GRID1: variants seen among roughly 807,000 people sequenced by gnomAD.
GRID1 encodes the protein glutamate ionotropic receptor delta type subunit 1, also known as glutamate receptor ionotropic, delta-1.
A neutral mutation model predicts 98.0 loss-of-function variants in GRID1; 28 were observed. That is an observed-to-expected ratio of 0.29 (90% CI 0.21 to 0.39). GRID1 has a LOEUF of 0.39. Ranked by LOEUF, GRID1 falls within the 10% of genes least tolerant of loss-of-function variation. The pLI is 1.00. For synonymous variants in GRID1, 553 were observed against 538.5 expected (o/e 1.03, Z -0.37); for missense variants, 1,111 against 1,340.5 (o/e 0.83, Z 2.67).
At chr10:85,944,511 T>G (rs572265521) in intron 4 of GRID1, among the ~76,000 whole-genome samples, 9 of 152,260 alleles carry the variant, frequency 5.9e-5, no homozygotes, top group Admixed American at 2.0e-4. Context: ...AAACTGAAAA[T>G]ACATATAGCC....
intron 8 of GRID1, among the ~76,000 whole-genome samples, chr10:85,757,522 A>T (rs986333532): frequency 1.3e-5 from 2 of 152,250 alleles, no homozygotes; most frequent in African/African-American, 4.8e-5. Flanking sequence ...TCTTACAAAC[A>T]TTCAAAGCAT....
chr10:86,146,119 A>G lies in GRID1; in HGVS notation c.521-7095T>C, dbSNP rs145097254. Among the ~76,000 whole-genome samples the G allele has an allele frequency of 6.6e-5, 10 of 152,338 alleles. No homozygotes were observed. In the East Asian group the frequency reaches 1.9e-3, roughly 29 times the overall value. ...CCCCTACTATTTTCAATTTCTGAGAAAGGCCCAGGCACTGAGAGTACTTAT... is the reference window on the plus strand; with the variant it reads ...CCCCTACTATTTTCAATTTCTGAGAGAGGCCCAGGCACTGAGAGTACTTAT... On this transcript the variant is annotated intron_variant, in intron 3 of 15. Coordinates refer to ENST00000327946, the MANE Select transcript of GRID1 (RefSeq NM_017551.3).
chr10:85,903,067 C>A (rs1841412117), intron 5 of GRID1, among the ~76,000 whole-genome samples: 1 of 152,102 alleles, frequency 6.6e-6, no homozygotes, highest in Admixed American at 6.5e-5. Flanking sequence ...ACATGAGGTT[C>A]AATATCCCCT....
At chr10:85,854,326 C>T (rs1843087778) in intron 8 of GRID1, among the ~76,000 whole-genome samples, 170 bp downstream of exon 8, 2 of 152,152 alleles carry the variant, frequency 1.3e-5, no homozygotes, top group Admixed American at 6.5e-5. Context: ...GCACCTACTC[C>T]CTAGCATGCC....
At chr10:85,931,846 G>A (rs1487305744) in intron 4 of GRID1, among the ~76,000 whole-genome samples, 3 of 152,108 alleles carry the variant, frequency 2.0e-5, no homozygotes, top group Non-Finnish European at 2.9e-5. Context: ...GTGGATAGGG[G>A]GACTTCCTGT....
intron 5 of GRID1, among the ~76,000 whole-genome samples, chr10:85,871,483 G>T (rs1387897516): frequency 6.6e-6 from 1 of 152,262 alleles, no homozygotes; most frequent in East Asian, 1.9e-4. Context: ...AAAAGCTCTG[G>T]TTCACTCTTT....
chr10:85,774,001 G>C (rs1254898416), intron 8 of GRID1, among the ~76,000 whole-genome samples: 1 of 152,144 alleles, frequency 6.6e-6, no homozygotes, highest in Non-Finnish European at 1.5e-5. Flanking sequence ...AACCAAAAGA[G>C]AGCCCGCATC....
intron 12 of GRID1, among the ~76,000 whole-genome samples, chr10:85,701,877 G>A (rs922991629): frequency 6.6e-6 from 1 of 151,980 alleles, no homozygotes; most frequent in African/African-American, 2.4e-5. Context: ...ATACCGCTCG[G>A]GAGACAGGTA....
chr10:85,814,754 C>A (rs892604515), intron 8 of GRID1, among the ~76,000 whole-genome samples: 1 of 151,752 alleles, frequency 6.6e-6, no homozygotes, highest in African/African-American at 2.4e-5. Context: ...AATGAGATAA[C>A]CCTCATATCT....
intron 2 of GRID1, among the ~76,000 whole-genome samples, chr10:86,303,071 AATATGG>A (rs1847713569): frequency 6.6e-6 from 1 of 152,232 alleles, no homozygotes; most frequent in Non-Finnish European, 1.5e-5. Context: ...GGGAAATTTG[AATATGG>A]ATTGTGTTAG....
chr10:86,350,544 C>T (rs1267807088), intron 2 of GRID1, among the ~76,000 whole-genome samples: 1 of 152,188 alleles, frequency 6.6e-6, no homozygotes, highest in Non-Finnish European at 1.5e-5. Context: ...TAAGCAATCC[C>T]TGCTTCACTT....
chr10:85,969,414 C>T (rs148900811), intron 4 of GRID1, among the ~76,000 whole-genome samples: 2 of 152,196 alleles, frequency 1.3e-5, no homozygotes, highest in Non-Finnish European at 2.9e-5. Flanking sequence ...GAACATTTCC[C>T]CAGGATAGGA....
chr10:85,972,553 G>T (rs1419825064), intron 4 of GRID1, among the ~76,000 whole-genome samples: 2 of 150,664 alleles, frequency 1.3e-5, no homozygotes, highest in East Asian at 3.9e-4. Flanking sequence ...CAATACTCAT[G>T]ATCATATCAG....
At position 85,916,090 on chromosome 10, in the gene GRID1, C is replaced by G. The variant is rs1841615840; in HGVS notation, c.780+96G>C. The G allele has an allele frequency of 4.1e-6, 4 of 972,908 alleles. No homozygotes were observed. Among genetic ancestry groups the G allele is most frequent in the Non-Finnish European group, 6.5e-6 (4 of 617,658 alleles). 60.3% of individuals were successfully genotyped at this position (972,908 alleles called of 1,614,324 possible). A position where few individuals can be genotyped will look rare whatever the true frequency, so the allele number is the denominator to read the frequency against. Reference sequence around the variant, plus strand: ...GAGCCCCAGGATTCACAACAGCCCCCTAAGTCAGAATTGAACTGAAAAGAA... The same window carrying G: ...GAGCCCCAGGATTCACAACAGCCCCGTAAGTCAGAATTGAACTGAAAAGAA... On this transcript the variant is annotated intron_variant, in intron 5 of 15. Coordinates refer to ENST00000327946, the MANE Select transcript of GRID1 (RefSeq NM_017551.3). The surrounding 1 kb of genome is among the most constrained non-coding windows in gnomAD (Gnocchi z 4.0).
At chr10:86,233,999 G>A (rs968462065) in intron 2 of GRID1, among the ~76,000 whole-genome samples, 1 of 152,028 alleles carries the variant, frequency 6.6e-6, no homozygotes, top group Non-Finnish European at 1.5e-5. Flanking sequence ...CCTCCTTGCT[G>A]GGTTGACTGT....
At chr10:85,980,908 G>A (rs948513851) in intron 4 of GRID1, among the ~76,000 whole-genome samples, 1 of 152,218 alleles carries the variant, frequency 6.6e-6, no homozygotes, top group African/African-American at 2.4e-5. Context: ...TCACAGTGAG[G>A]ATTTGGGAAA....
chr10:86,326,465 G>T (rs1336659848), intron 2 of GRID1, among the ~76,000 whole-genome samples: 1 of 152,202 alleles, frequency 6.6e-6, no homozygotes, highest in Non-Finnish European at 1.5e-5. Flanking sequence ...TTGAAGAAGG[G>T]TAAAACGGTC....
chr10:86,270,988 T>A, intron 2 of GRID1, among the ~76,000 whole-genome samples: 1 of 151,798 alleles, frequency 6.6e-6, no homozygotes, highest in Non-Finnish European at 1.5e-5. Flanking sequence ...GAGCTCAGAG[T>A]CTAGAGACAA....
At chr10:86,331,617 G>C (rs1848143967) in intron 2 of GRID1, among the ~76,000 whole-genome samples, 1 of 152,196 alleles carries the variant, frequency 6.6e-6, no homozygotes, top group South Asian at 2.1e-4. Context: ...ACACTGACTT[G>C]GGACCCCAGG....
Sources: allele counts gnomAD v4.1 joint callset (sites outside exome capture counted in the v4.1 genomes callset), GRCh38; gene constraint gnomAD v4.1.1; non-coding constraint Gnocchi (gnomAD v3.1); transcripts MANE v1.5; gene names NCBI Gene and HGNC (gene_info 2026-07-23, HGNC 2026-07-21).